TNFRSF21: variants seen among roughly 807,000 people sequenced by gnomAD.
TNFRSF21 encodes the protein TNF receptor superfamily member 21.
A neutral mutation model predicts 45.6 loss-of-function variants in TNFRSF21; 19 were observed. That is an observed-to-expected ratio of 0.42 (90% CI 0.29 to 0.61). The LOEUF is 0.61. Ranked by LOEUF, TNFRSF21 falls within the 20% of genes least tolerant of loss-of-function variation. The pLI is 0.23. For synonymous variants in TNFRSF21, 314 were observed against 335.5 expected (o/e 0.94, Z 0.70); for missense variants, 737 against 851.5 (o/e 0.87, Z 1.67).
chr6:47,293,223 A>C (rs1762751893), intron 1 of TNFRSF21, among the ~76,000 whole-genome samples: 1 of 152,222 alleles, frequency 6.6e-6, no homozygotes, highest in Non-Finnish European at 1.5e-5. Flanking sequence ...TAAGCAGCTC[A>C]AGGCCAGGGA....
At chr6:47,285,711 T>A (rs1762635860) in intron 2 of TNFRSF21, among the ~76,000 whole-genome samples, 1 of 152,228 alleles carries the variant, frequency 6.6e-6, no homozygotes, top group Non-Finnish European at 1.5e-5. Flanking sequence ...TATAGCTTGA[T>A]GTGACCTAGT....
chr6:47,309,824 C>T lies in TNFRSF21; in HGVS notation c.-313G>A. ...GGGAGGAGGACTGGGCGCGAGAGAGCAAAGGAACGACTTCCCATAGCGAAG... is the reference window on the plus strand; with the variant it reads ...GGGAGGAGGACTGGGCGCGAGAGAGTAAAGGAACGACTTCCCATAGCGAAG... On this transcript the variant is annotated 5_prime_UTR_variant, in exon 1 of 6. Transcript: ENST00000296861. 3.3e-6 allele frequency: 1 copy of T among 298,676 alleles called. No individual in the cohort carries two copies. The highest frequency in any genetic ancestry group is 6.2e-6 in the Non-Finnish European group (1 of 161,750). 18.5% of individuals were successfully genotyped at this position (298,676 alleles called of 1,614,324 possible). A position where few individuals can be genotyped will look rare whatever the true frequency, so the allele number is the denominator to read the frequency against.
chr6:47,241,844 C>CT (rs1764750144), intron 4 of TNFRSF21, among the ~76,000 whole-genome samples: 4 of 152,160 alleles, frequency 2.6e-5, no homozygotes, highest in African/African-American at 9.6e-5. Flanking sequence ...CTCTTGTTTT[C>CT]TTTCCTTCTT....
chr6:47,260,967 A>C (rs1473752762), intron 3 of TNFRSF21, among the ~76,000 whole-genome samples: 2 of 152,228 alleles, frequency 1.3e-5, no homozygotes, highest in Non-Finnish European at 2.9e-5. Context: ...CAATTAATAC[A>C]CAACCTCCTC....
chr6:47,250,908 CAT>C (rs1424885454), intron 4 of TNFRSF21, among the ~76,000 whole-genome samples: 7 of 152,222 alleles, frequency 4.6e-5, no homozygotes, highest in South Asian at 2.1e-4. Context: ...AAATTCCACA[CAT>C]GAGTACTTAA....
At chr6:47,254,578 A>G (rs1476397806) in intron 3 of TNFRSF21, among the ~76,000 whole-genome samples, 1 of 152,222 alleles carries the variant, frequency 6.6e-6, no homozygotes, top group Non-Finnish European at 1.5e-5. Context: ...CTTTACCCAG[A>G]ACTGTCTAGG....
intron 1 of TNFRSF21, among the ~76,000 whole-genome samples, chr6:47,287,926 C>A (rs1008929378): frequency 6.6e-6 from 1 of 152,122 alleles, no homozygotes; most frequent in South Asian, 2.1e-4. Flanking sequence ...TGAGAAGCAA[C>A]TGGAATTCTC....
chr6:47,303,489 G>T (rs981101798), intron 1 of TNFRSF21, among the ~76,000 whole-genome samples: 1 of 152,122 alleles, frequency 6.6e-6, no homozygotes, highest in Non-Finnish European at 1.5e-5. Context: ...TCCAAAGCCA[G>T]GATACTGACA....
intron 3 of TNFRSF21, among the ~76,000 whole-genome samples, 199 bp downstream of exon 3, chr6:47,283,739 G>T (rs1762604374): frequency 6.6e-6 from 1 of 152,122 alleles, no homozygotes. Flanking sequence ...GGAAAAGGAG[G>T]AAGAGAGATT....
intron 3 of TNFRSF21, among the ~76,000 whole-genome samples, chr6:47,271,695 C>A (rs1206570190): frequency 6.6e-6 from 1 of 152,032 alleles, no homozygotes; most frequent in Admixed American, 6.5e-5. Context: ...GGGCTAAATG[C>A]CCCAATTAAA....
intron 4 of TNFRSF21, among the ~76,000 whole-genome samples, chr6:47,246,169 T>C (rs1444661515): frequency 2.0e-5 from 3 of 152,158 alleles, no homozygotes; most frequent in Admixed American, 6.5e-5. Flanking sequence ...GCTTGCTAAA[T>C]AAACCAGCTA....
rs555269809 is a variant in TNFRSF21, at chr6:47,277,501, CAGCAATGTCCCAAGCACT to C, written c.1243+6419_1243+6436del. Among the ~76,000 whole-genome samples the C allele has an allele frequency of 1.8e-4, 27 of 152,204 alleles. No homozygotes were observed. In the South Asian group the frequency reaches 4.4e-3, roughly 25 times the overall value. ...ACTTGTGAACTGTGGACCATGTGGCCAGCAATGTCCCAAGCACTGGGCACACACTCATGTATGTAATCC... is the reference window on the plus strand; with the variant it reads ...ACTTGTGAACTGTGGACCATGTGGCCGGGCACACACTCATGTATGTAATCC... On this transcript the variant is annotated intron_variant, in intron 3 of 5. Transcript: ENST00000296861.
chr6:47,272,490 A>G (rs1381749433), intron 3 of TNFRSF21, among the ~76,000 whole-genome samples: 1 of 152,226 alleles, frequency 6.6e-6, no homozygotes, highest in Admixed American at 6.5e-5. Flanking sequence ...ACAACGTACC[A>G]GAATCTCTGG....
intron 1 of TNFRSF21, among the ~76,000 whole-genome samples, chr6:47,289,337 T>C (rs1762689412): frequency 6.6e-6 from 1 of 152,180 alleles, no homozygotes; most frequent in Admixed American, 6.5e-5. Flanking sequence ...ATTTAACTAT[T>C]TGAATCAAAA....
At chr6:47,253,559 G>T (rs1412021823) in intron 3 of TNFRSF21, 38 bp from the exon 4 acceptor site, 9 of 1,595,116 alleles carry the variant, frequency 5.6e-6, no homozygotes, top group Non-Finnish European at 7.7e-6. Flanking sequence ...ATGAGGGCTT[G>T]TAAGGGAAGC....
intron 1 of TNFRSF21, among the ~76,000 whole-genome samples, chr6:47,308,662 T>C (rs1762972106): frequency 6.6e-6 from 1 of 152,216 alleles, no homozygotes; most frequent in African/African-American, 2.4e-5. Context: ...TCGGAAAGAC[T>C]GTAGAAAATT....
intron 3 of TNFRSF21, among the ~76,000 whole-genome samples, chr6:47,257,093 C>T (rs1261035702): frequency 6.6e-6 from 1 of 152,088 alleles, no homozygotes; most frequent in Non-Finnish European, 1.5e-5. Context: ...ACTTAAGGCT[C>T]AATGCATTTC....
chr6:47,258,872 C>T (rs1765028372), intron 3 of TNFRSF21, among the ~76,000 whole-genome samples: 1 of 152,188 alleles, frequency 6.6e-6, no homozygotes, highest in South Asian at 2.1e-4. Flanking sequence ...TCTGTCATGA[C>T]TCCTCAGCTC....
In TNFRSF21 at chr6:47,286,471, G is replaced by T. The variant is rs759398311; in HGVS notation, c.221C>A (p.Thr74Asn). The T allele has an allele frequency of 1.2e-6, 2 of 1,614,236 alleles. No homozygotes were observed. Among genetic ancestry groups the T allele is most frequent in the East Asian group, 4.5e-5 (2 of 44,890 alleles). The change falls in exon 2 of 6, where the codon ACC becomes AAC. Residue 74 changes from threonine (T) to asparagine (N), a missense_variant. Thr to Asn is a moderately conservative substitution (Grantham distance 65, BLOSUM62 0). Coordinates refer to ENST00000296861, the MANE Select transcript of TNFRSF21 (RefSeq NM_014452.5). ...VLTCDKCPAGTYVSEHCTNTS... is the reference protein window; with the variant it reads ...VLTCDKCPAGNYVSEHCTNTS... ...GTTGGTACAATGCTCAGAGACATAG[G>T]TTCCTGCTGGACACTTGTCACAGGT...
Sources: gnomAD v4.1 joint callset for allele counts (sites outside exome capture counted in the v4.1 genomes callset) on GRCh38, gnomAD v4.1.1 for gene constraint, MANE v1.5 for transcripts, NCBI Gene and HGNC (gene_info 2026-07-23, HGNC 2026-07-21) for gene names.